Variants in RBFOX3 observed in about 807,000 individuals in gnomAD.
RBFOX3 encodes the protein RNA binding protein fox-1 homolog 3.
In RBFOX3, 17 loss-of-function variants were observed where a neutral mutation model predicts 48.7. That is an observed-to-expected ratio of 0.35 (90% confidence interval 0.24 to 0.52). The LOEUF (loss-of-function observed/expected upper bound fraction) is 0.52, where lower values mean the gene tolerates loss of function less well. Among genes scored for constraint, RBFOX3 ranks in the 20% least tolerant of loss-of-function variants. The probability of loss-of-function intolerance (pLI) is 0.94; values close to 1 mark genes in which losing one functional copy is unlikely to be tolerated. For synonymous variants in RBFOX3, 212 were observed against 209.5 expected (o/e 1.01, Z -0.10); for missense variants, 382 against 497.5 (o/e 0.77, Z 2.21).
At chr17:79,534,192 T>C (rs954822818) in intron 1 of RBFOX3, among the ~76,000 whole-genome samples, 2 of 152,088 alleles carry the variant, frequency 1.3e-5, no homozygotes, top group South Asian at 2.1e-4. Context: ...TCTACAATAG[T>C]GAAAAACGAA....
At position 79,299,165 on chromosome 17, in the gene RBFOX3, G is replaced by A. The variant is rs1384337312; in HGVS notation, c.-74+8559C>T. The stretch of plus-strand genomic sequence containing the variant: ...GTATCTCGGTGCTGGCAAAACAGAG[G>A]CCAGAGAGGGTGGGATGTGAGGGCG... On this transcript the variant is annotated intron_variant, in intron 3 of 14. Transcript: ENST00000693108. This position sits in a 1 kb window ranked among gnomAD's most constrained non-coding sequence, Gnocchi z 4.5. Among the ~76,000 whole-genome samples, 1 of 137,412 alleles carries A rather than the reference G, an allele frequency of 7.3e-6. No homozygotes were observed. Among genetic ancestry groups the A allele is most frequent in the East Asian group, 2.2e-4 (1 of 4,498 alleles). The allele number at this position is 137,412 out of a possible 152,430, so 90.1% of individuals were successfully genotyped here. A position where few individuals can be genotyped will look rare whatever the true frequency, so the allele number is the denominator to read the frequency against.
intron 1 of RBFOX3, among the ~76,000 whole-genome samples, chr17:79,593,470 C>T (rs2093479980): frequency 6.6e-6 from 1 of 152,182 alleles, no homozygotes; most frequent in South Asian, 2.1e-4. Context: ...AACCAGGTCA[C>T]ATTGCCTTGA....
intron 1 of RBFOX3, among the ~76,000 whole-genome samples, chr17:79,486,318 C>T (rs1207179592): frequency 6.6e-6 from 1 of 152,170 alleles, no homozygotes; most frequent in Non-Finnish European, 1.5e-5. Context: ...CAGTCTGTCT[C>T]GGGAGTGAGC....
chr17:79,512,391 G>A (rs2084456932), intron 1 of RBFOX3, among the ~76,000 whole-genome samples: 1 of 112,814 alleles, frequency 8.9e-6, no homozygotes, highest in Admixed American at 8.7e-5. Flanking sequence ...GTTACCATCG[G>A]GTACAGCCCC....
At chr17:79,119,326 G>A (rs1436162204) in intron 4 of RBFOX3, among the ~76,000 whole-genome samples, 1 of 152,238 alleles carries the variant, frequency 6.6e-6, no homozygotes, top group African/African-American at 2.4e-5. Flanking sequence ...AGCCCACAGT[G>A]CTCCCTGCTT....
At chr17:79,663,718 C>T in the RBFOX3 span, among the ~76,000 whole-genome samples, 87 of 150,490 alleles carry the variant, frequency 5.8e-4, 1 homozygote, top group South Asian at 0.018. Context: ...AGTTGAGTTG[C>T]TGTGCATGGA....
chr17:79,115,860 C>T (rs1384576851), intron 4 of RBFOX3, 112 bp from the exon 5 acceptor site: 15 of 543,600 alleles, frequency 2.8e-5, no homozygotes, highest in Non-Finnish European at 4.6e-5. Context: ...TTTCAGCAGC[C>T]TTTCCCCGGC....
chr17:79,110,197 C>T (rs930957138), intron 5 of RBFOX3, among the ~76,000 whole-genome samples: 2 of 151,780 alleles, frequency 1.3e-5, no homozygotes, highest in Non-Finnish European at 2.9e-5. Flanking sequence ...AAGGACAGGA[C>T]TGCCCTTCCC....
At position 79,385,211 on chromosome 17, in the gene RBFOX3, G is replaced by T. The variant is rs374343925; in HGVS notation, c.-174-77387C>A. Among the ~76,000 whole-genome samples the T allele has an allele frequency of 5.9e-5, 9 of 152,328 alleles. No individual in the cohort carries two copies. In the South Asian group the frequency reaches 1.9e-3, roughly 32 times the overall value. ...GGAAGGGGAGGACAGAGCCTGGGAA[G>T]AGAGCTCTCCAGGGTCCCACAACAA... On this transcript the variant is annotated intron_variant, in intron 2 of 14. Coordinates refer to ENST00000693108, the MANE Select transcript of RBFOX3 (RefSeq NM_001350451.2).
At chr17:79,561,335 T>C (rs2092200665) in intron 1 of RBFOX3, among the ~76,000 whole-genome samples, 1 of 152,142 alleles carries the variant, frequency 6.6e-6, no homozygotes, top group African/African-American at 2.4e-5. Flanking sequence ...CAAGCCCAGC[T>C]TCCAGGAAGA....
intron 2 of RBFOX3, among the ~76,000 whole-genome samples, chr17:79,316,260 G>C (rs1234584526): frequency 1.3e-5 from 2 of 152,194 alleles, no homozygotes; most frequent in African/African-American, 4.8e-5. Context: ...AACTCTGCAG[G>C]ATCCTGTTTC....
At chr17:79,186,032 A>G (rs1203820913) in intron 4 of RBFOX3, among the ~76,000 whole-genome samples, 2 of 152,164 alleles carry the variant, frequency 1.3e-5, no homozygotes, top group African/African-American at 2.4e-5. Flanking sequence ...CCCTGAGCTC[A>G]GTCATTGGCC....
chr17:79,640,973 G>C, the RBFOX3 span, among the ~76,000 whole-genome samples: 3 of 152,070 alleles, frequency 2.0e-5, no homozygotes, highest in East Asian at 3.8e-4. Flanking sequence ...AAACTAAAAA[G>C]CTTCTGCATA....
intron 1 of RBFOX3, among the ~76,000 whole-genome samples, chr17:79,542,878 T>A (rs35380763): frequency 0.31 from 46,476 of 152,112 alleles, 8,520 homozygotes; most frequent in East Asian, 0.52. Flanking sequence ...TGGGTCAATA[T>A]GTAAATTGTA....
chr17:79,383,564 C>CTA (rs370315857), intron 2 of RBFOX3, among the ~76,000 whole-genome samples: 1 of 152,058 alleles, frequency 6.6e-6, no homozygotes, highest in East Asian at 1.9e-4. Flanking sequence ...GAGTACCCCC[C>CTA]CGATGGCTGC....
chr17:79,517,444 C>CAAAA (rs1231600861), intron 1 of RBFOX3, among the ~76,000 whole-genome samples: 117 of 94,910 alleles, frequency 1.2e-3, no homozygotes, highest in African/African-American at 4.6e-3. Context: ...GAGTCTGTCT[C>CAAAA]AAAAAAAAAA....
intron 6 of RBFOX3, among the ~76,000 whole-genome samples, chr17:79,106,080 G>A (rs2077301046): frequency 2.6e-5 from 4 of 152,238 alleles, no homozygotes; most frequent in African/African-American, 7.2e-5. Flanking sequence ...GAGTCCAGCA[G>A]GGGCTTCACT....
intron 2 of RBFOX3, among the ~76,000 whole-genome samples, chr17:79,312,299 A>AAAT (rs2076963954): frequency 6.7e-6 from 1 of 149,952 alleles, no homozygotes. Flanking sequence ...AAAAAAAAAA[A>AAAT]GAGGGCGAAG....
Position 79,423,070 on chromosome 17 carries a change from C to T in RBFOX3, c.-175+59384G>A, listed in dbSNP as rs1479678267. ...GGGACTTCGGGTGCCCCGTGTGCCA[C>T]GAACTCCCCTCTTTCTGCCTCCAGC... is the stretch of plus-strand genomic sequence containing the variant. On this transcript the variant is annotated intron_variant, in intron 2 of 14. Transcript: ENST00000693108. This position sits in a 1 kb window ranked among gnomAD's most constrained non-coding sequence, Gnocchi z 4.9. 3.9e-5 allele frequency among the ~76,000 whole-genome samples: 6 copies of T among 152,190 alleles called. No individual in the cohort carries two copies. Among genetic ancestry groups the T allele is most frequent in the South Asian group, 2.1e-4 (1 of 4,836 alleles).
Sources: allele counts gnomAD v4.1 joint callset (sites outside exome capture counted in the v4.1 genomes callset), GRCh38; gene constraint gnomAD v4.1.1; non-coding constraint Gnocchi (gnomAD v3.1); transcripts MANE v1.5; gene names NCBI Gene and HGNC (gene_info 2026-07-23, HGNC 2026-07-21).